The following TMEM117 variants were observed in gnomAD, a reference collection of about 807,000 sequenced individuals.
The protein encoded by TMEM117 is transmembrane protein 117.
In TMEM117, 27 loss-of-function variants were observed where a neutral mutation model predicts 52.4. That is an observed-to-expected ratio of 0.51 (90% CI 0.38 to 0.71). TMEM117 has a LOEUF of 0.71. Among genes scored for constraint, TMEM117 ranks in the 30% least tolerant of loss-of-function variants. TMEM117 has a pLI of 0.00. For missense variants in TMEM117, 556 were observed against 630.5 expected (o/e 0.88, Z 1.26); for synonymous variants, 215 against 206.3 (o/e 1.04, Z -0.36).
chr12:43,928,769 A>G (rs1746095664), intron 2 of TMEM117, among the ~76,000 whole-genome samples: 1 of 121,960 alleles, frequency 8.2e-6, no homozygotes. Context: ...AACAGTCCCC[A>G]GAATGTGATG....
intron 2 of TMEM117, among the ~76,000 whole-genome samples, chr12:43,941,437 C>T (rs1945042878): frequency 1.3e-5 from 2 of 152,204 alleles, no homozygotes. Context: ...TTATAAACCA[C>T]TACTGTCCCA....
At chr12:44,069,629 T>G (rs1480596493) in intron 3 of TMEM117, among the ~76,000 whole-genome samples, 2 of 152,142 alleles carry the variant, frequency 1.3e-5, no homozygotes, top group Non-Finnish European at 2.9e-5. Flanking sequence ...GACAGTACCC[T>G]GTGTGAGGTG....
chr12:44,310,662 C>T (rs901473335), intron 6 of TMEM117, among the ~76,000 whole-genome samples: 8 of 152,128 alleles, frequency 5.3e-5, no homozygotes, highest in African/African-American at 1.7e-4. Flanking sequence ...AAATAATCAC[C>T]GGAACCTTTA....
intron 3 of TMEM117, among the ~76,000 whole-genome samples, chr12:43,971,000 C>G (rs1945576187): frequency 6.6e-6 from 1 of 152,148 alleles, no homozygotes; most frequent in Non-Finnish European, 1.5e-5. Flanking sequence ...CTTCACTTCT[C>G]TCACCCTACC....
intron 3 of TMEM117, among the ~76,000 whole-genome samples, chr12:44,090,481 G>A (rs7954128): frequency 0.077 from 11,704 of 151,232 alleles, 1,381 homozygotes; most frequent in African/African-American, 0.26. Flanking sequence ...CTGTCACCCA[G>A]GTTGGAGTGC....
chr12:44,247,852 C>A (rs1329307225), intron 5 of TMEM117, among the ~76,000 whole-genome samples: 3 of 152,154 alleles, frequency 2.0e-5, no homozygotes, highest in Non-Finnish European at 4.4e-5. Context: ...TGGGGTCTGA[C>A]ACTCACCAGA....
chr12:44,377,550 T>A (rs1951959334), intron 7 of TMEM117, among the ~76,000 whole-genome samples: 2 of 152,206 alleles, frequency 1.3e-5, no homozygotes, highest in South Asian at 4.1e-4. Context: ...GACATATCAG[T>A]CATTCTCATC....
At chr12:44,140,251 T>G (rs895088358) in intron 3 of TMEM117, among the ~76,000 whole-genome samples, 1 of 152,244 alleles carries the variant, frequency 6.6e-6, no homozygotes, top group South Asian at 2.1e-4. Flanking sequence ...GCTGGAGAGA[T>G]AAAGTGAACA....
intron 3 of TMEM117, among the ~76,000 whole-genome samples, chr12:44,038,374 C>T (rs1198543930): frequency 1.3e-5 from 2 of 152,160 alleles, no homozygotes; most frequent in African/African-American, 4.8e-5. Flanking sequence ...GTGGAAGCTG[C>T]TTGTGGTACA....
At chr12:43,903,737 G>A (rs114409843) in intron 2 of TMEM117, among the ~76,000 whole-genome samples, 2,080 of 152,154 alleles carry the variant, frequency 0.014, 33 homozygotes, top group African/African-American at 0.048. Context: ...TTCAACCCAA[G>A]GAACACTTGA....
At chr12:44,127,492 C>G (rs1948344941) in intron 3 of TMEM117, among the ~76,000 whole-genome samples, 1 of 152,048 alleles carries the variant, frequency 6.6e-6, no homozygotes, top group South Asian at 2.1e-4. Flanking sequence ...GCCTGACCAA[C>G]ATGGAGAAAC....
rs567015628 is a variant in TMEM117 at position 43,919,416 on chromosome 12, C to T, written c.278-24794C>T. 2.6e-5 allele frequency among the ~76,000 whole-genome samples: 4 copies of T among 152,312 alleles called. No individual in the cohort carries two copies. In the South Asian group the frequency reaches 8.3e-4, roughly 32 times the overall value. On this transcript the variant is annotated intron_variant, in intron 2 of 7. Transcript: ENST00000266534. ...TTTGTCCTGTGACTGGCTTGTTTCA[C>T]CTGGCATAATGTCCTGAAGGTTCAT...
intron 3 of TMEM117, among the ~76,000 whole-genome samples, chr12:44,138,045 CA>C (rs1222357202): frequency 6.6e-6 from 1 of 152,022 alleles, no homozygotes; most frequent in Non-Finnish European, 1.5e-5. Context: ...TTTTTATTCC[CA>C]CTATATAGAT....
chr12:44,100,460 A>G (rs958399170), intron 3 of TMEM117, among the ~76,000 whole-genome samples: 5 of 151,980 alleles, frequency 3.3e-5, no homozygotes, highest in Admixed American at 2.0e-4. Flanking sequence ...TTAATGCCTA[A>G]TGCTTCAGAT....
chr12:44,355,873 G>A (rs1951640938), intron 6 of TMEM117, among the ~76,000 whole-genome samples: 1 of 152,062 alleles, frequency 6.6e-6, no homozygotes, highest in South Asian at 2.1e-4. Flanking sequence ...CTTTGGCAGT[G>A]GTTAGCTGGA....
chr12:44,322,992 C>CA (rs1255922680), intron 6 of TMEM117, among the ~76,000 whole-genome samples: 6 of 152,074 alleles, frequency 3.9e-5, no homozygotes, highest in African/African-American at 1.4e-4. Context: ...AATATAATCA[C>CA]AGGAGTCTTT....
chr12:44,178,480 T>C (rs1173185103), intron 4 of TMEM117, among the ~76,000 whole-genome samples: 1 of 152,240 alleles, frequency 6.6e-6, no homozygotes. Flanking sequence ...AGGTTTGATA[T>C]GCAGAACTGT....
At chr12:44,161,283 A>T (rs1948894901) in intron 4 of TMEM117, among the ~76,000 whole-genome samples, 1 of 152,222 alleles carries the variant, frequency 6.6e-6, no homozygotes, top group Admixed American at 6.5e-5. Flanking sequence ...CTATCATATT[A>T]ATAATGGAAA....
chr12:44,314,514 T>G (rs1033020936), intron 6 of TMEM117, among the ~76,000 whole-genome samples: 1 of 151,894 alleles, frequency 6.6e-6, no homozygotes, highest in Non-Finnish European at 1.5e-5. Context: ...TTTCTTTTTT[T>G]GAGGATTTTT....
Sources: gnomAD v4.1 joint callset for allele counts (sites outside exome capture counted in the v4.1 genomes callset) on GRCh38, gnomAD v4.1.1 for gene constraint, MANE v1.5 for transcripts, NCBI Gene and HGNC (gene_info 2026-07-23, HGNC 2026-07-21) for gene names.